The following DOCK10 variants were observed in gnomAD, a reference collection of about 807,000 sequenced individuals.
The protein encoded by DOCK10 is dedicator of cytokinesis protein 10.
A neutral mutation model predicts 280.1 loss-of-function variants in DOCK10; 145 were observed. The observed-to-expected ratio is 0.52, with a 90% CI of 0.45 to 0.59. The LOEUF is 0.59. DOCK10 is among the 20% of genes least tolerant of loss of function. DOCK10 has a pLI of 0.00. For synonymous variants in DOCK10, 915 were observed against 942.2 expected (o/e 0.97, Z 0.53); for missense variants, 2,368 against 2,651.7 (o/e 0.89, Z 2.35).
At chr2:224,974,810 T>TATATATATA in intron 1 of DOCK10, among the ~76,000 whole-genome samples, 1 of 131,622 alleles carries the variant, frequency 7.6e-6, no homozygotes, top group Non-Finnish European at 1.7e-5. Flanking sequence ...TCATATATAT[T>TATATATATA]ATATATATAA....
intron 42 of DOCK10, 119 bp from the exon 43 acceptor site, chr2:224,797,265 ATT>A (rs11301276): frequency 0.015 from 8,284 of 542,254 alleles, 37 homozygotes; most frequent in South Asian, 0.051. Context: ...AACTTGGTCT[ATT>A]TTTTTTTTTT....
chr2:224,873,435 T>A (rs542135395), intron 11 of DOCK10, among the ~76,000 whole-genome samples: 13 of 151,672 alleles, frequency 8.6e-5, no homozygotes, highest in Non-Finnish European at 4.4e-5. Context: ...AAAAATTAGC[T>A]AGGCGGCCAT....
chr2:224,844,280 G>C (rs538235319), intron 22 of DOCK10, among the ~76,000 whole-genome samples: 1 of 152,176 alleles, frequency 6.6e-6, no homozygotes, highest in South Asian at 2.1e-4. Flanking sequence ...ACAGGCATGC[G>C]TCACCATGCC....
chr2:224,993,819 C>A (rs1022374461), intron 1 of DOCK10, among the ~76,000 whole-genome samples: 1 of 152,080 alleles, frequency 6.6e-6, no homozygotes, highest in African/African-American at 2.4e-5. Flanking sequence ...GGGGTAGGAG[C>A]CAAGCCTCCA....
rs902919121 is a variant in DOCK10, at chr2:224,946,959, C to T, written c.124-15291G>A. On this transcript the variant is annotated intron_variant, in intron 1 of 55. Coordinates refer to ENST00000258390, the MANE Select transcript of DOCK10 (RefSeq NM_014689.3). ...CTTCCCTCGAAAACTCATCGTATTG[C>T]TATAATTTGAGTCACAAAATATTTC... The T allele has an allele frequency of 1.0e-5, 16 of 1,537,038 alleles. No individual in the cohort carries two copies. In the East Asian group the frequency reaches 3.5e-4, roughly 33 times the overall value.
intron 1 of DOCK10, chr2:224,982,133 C>T: frequency 8.6e-7 from 1 of 1,162,968 alleles, no homozygotes; most frequent in African/African-American, 1.6e-5. Flanking sequence ...CGCTAAACAC[C>T]AAAACCCCTA....
intron 11 of DOCK10, among the ~76,000 whole-genome samples, chr2:224,869,888 T>C (rs1698160380): frequency 6.6e-6 from 1 of 152,204 alleles, no homozygotes; most frequent in Non-Finnish European, 1.5e-5. Flanking sequence ...ATTTTCAGTT[T>C]CTAAATTGCA....
At chr2:225,015,634 C>T (rs1689568762) in intron 1 of DOCK10, among the ~76,000 whole-genome samples, 1 of 152,098 alleles carries the variant, frequency 6.6e-6, no homozygotes, top group Non-Finnish European at 1.5e-5. Flanking sequence ...GTTTTAGAAA[C>T]GAGGCTCTTG....
At chr2:225,008,994 A>T (rs1458314943) in intron 1 of DOCK10, among the ~76,000 whole-genome samples, 2 of 152,198 alleles carry the variant, frequency 1.3e-5, no homozygotes, top group African/African-American at 4.8e-5. Context: ...TCATGTTAAG[A>T]TGAAGGCTCT....
intron 3 of DOCK10, among the ~76,000 whole-genome samples, chr2:224,902,640 C>G (rs1432135019): frequency 2.6e-5 from 4 of 151,796 alleles, no homozygotes; most frequent in South Asian, 2.1e-4. Flanking sequence ...TCCTGCAAAC[C>G]AGGATGTGTG....
Position 224,805,640 on chromosome 2 carries a change from T to C in DOCK10, c.3815-111A>G, listed in dbSNP as rs1693353023. The C allele has an allele frequency of 7.1e-7, 1 of 1,415,306 alleles. No homozygotes were observed. The highest frequency in any genetic ancestry group is 9.7e-7 in the Non-Finnish European group (1 of 1,034,184). The allele number at this position is 1,415,306 out of a possible 1,614,324, so 87.7% of individuals were successfully genotyped here. ...TGTTGATACTGAGGTAGCAGCAGTG[T>C]TGTCAAAGACCAACATAACAGCGTC... On this transcript the variant is annotated intron_variant, in intron 34 of 55. Coordinates refer to ENST00000258390, the MANE Select transcript of DOCK10 (RefSeq NM_014689.3). This position sits in a 1 kb window ranked among gnomAD's most constrained non-coding sequence, Gnocchi z 4.3.
intron 50 of DOCK10, chr2:224,784,791 A>G: frequency 7.8e-7 from 1 of 1,287,996 alleles, no homozygotes; most frequent in Non-Finnish European, 1.0e-6. Context: ...TCTGCATTAA[A>G]AACTATTTGA....
At chr2:224,833,492 T>G (rs1408972725) in intron 26 of DOCK10, among the ~76,000 whole-genome samples, 3 of 151,954 alleles carry the variant, frequency 2.0e-5, no homozygotes, top group Admixed American at 1.3e-4. Flanking sequence ...TCAAATTTTT[T>G]TTTTTTTTGC....
rs2124972626 is a variant in DOCK10, at chr2:224,773,232, A to C, written c.6129T>G (p.Leu2043=). Residue 2043 remains leucine (L), a synonymous_variant, in exon 53 of 56, where the codon CTT becomes CTG. Coordinates refer to ENST00000258390, the MANE Select transcript of DOCK10 (RefSeq NM_014689.3). ...CTTCTTCCATTGTGCAAAGCTGATT[A>C]AGCTCAGAAACCTTCTTGGACATCT... ...IDEMSKKVSE[L]NQLCTMEEVD... The C allele has an allele frequency of 6.2e-7, 1 of 1,613,990 alleles. No homozygotes were observed. Among genetic ancestry groups the C allele is most frequent in the African/African-American group, 1.3e-5 (1 of 75,052 alleles).
At chr2:225,036,684 T>A (rs73075756) in intron 1 of DOCK10, among the ~76,000 whole-genome samples, 3 of 150,928 alleles carry the variant, frequency 2.0e-5, no homozygotes, top group Non-Finnish European at 4.4e-5. Context: ...GAAAAAAATA[T>A]CTTGTCTCTT....
chr2:224,833,486 ATT>A (rs61164574), intron 26 of DOCK10, among the ~76,000 whole-genome samples: 94 of 144,782 alleles, frequency 6.5e-4, no homozygotes, highest in African/African-American at 1.1e-3. Flanking sequence ...TCGCCTTCAA[ATT>A]TTTTTTTTTT....
intron 1 of DOCK10, among the ~76,000 whole-genome samples, chr2:224,954,104 G>A (rs1251383579): frequency 6.6e-6 from 1 of 152,202 alleles, no homozygotes; most frequent in Non-Finnish European, 1.5e-5. Flanking sequence ...TTTGTTCACA[G>A]TACTGAATTT....
intron 1 of DOCK10, among the ~76,000 whole-genome samples, chr2:224,974,055 G>T (rs1705253306): frequency 6.6e-6 from 1 of 152,136 alleles, no homozygotes; most frequent in Non-Finnish European, 1.5e-5. Context: ...CAGTTTTAAG[G>T]TAAGGTAGAA....
chr2:225,025,366 C>G (rs1208873317), intron 1 of DOCK10, among the ~76,000 whole-genome samples: 1 of 152,140 alleles, frequency 6.6e-6, no homozygotes, highest in Non-Finnish European at 1.5e-5. Context: ...CCAAGGTGTT[C>G]CATGCTAGCA....
Sources: gnomAD v4.1 joint callset for allele counts (sites outside exome capture counted in the v4.1 genomes callset) on GRCh38, gnomAD v4.1.1 for gene constraint, Gnocchi (gnomAD v3.1) non-coding constraint, MANE v1.5 for transcripts, NCBI Gene and HGNC (gene_info 2026-07-23, HGNC 2026-07-21) for gene names.